The following CADPS variants were observed in gnomAD, a reference collection of about 807,000 sequenced individuals.
The protein encoded by CADPS is calcium dependent secretion activator, also known as calcium-dependent secretion activator 1.
CADPS carries 57 observed loss-of-function variants against 167.3 expected under a neutral mutation model. That is an observed-to-expected ratio of 0.34 (90% CI 0.28 to 0.42). The LOEUF (loss-of-function observed/expected upper bound fraction) is 0.42. CADPS is among the 20% of genes least tolerant of loss of function. The pLI is 1.00. For missense variants in CADPS, 1,414 were observed against 1,738.1 expected, an observed-to-expected ratio of 0.81 and a Z score of 3.32; for synonymous variants, 676 against 635.3, an observed-to-expected ratio of 1.06 and a Z score of -0.96.
chr3:62,563,561 G>C (rs2079552759), intron 9 of CADPS, among the ~76,000 whole-genome samples: 1 of 152,132 alleles, frequency 6.6e-6, no homozygotes, highest in Non-Finnish European at 1.5e-5. Flanking sequence ...ATTTCCATAA[G>C]TTTTTGGGGA....
intron 3 of CADPS, among the ~76,000 whole-genome samples, chr3:62,706,126 G>T (rs1489183050): frequency 6.6e-6 from 1 of 151,854 alleles, no homozygotes. Context: ...TCCACTTTAG[G>T]GACTTTGGTA....
At chr3:62,501,119 G>A (rs1278943829) in intron 17 of CADPS, among the ~76,000 whole-genome samples, 2 of 152,200 alleles carry the variant, frequency 1.3e-5, no homozygotes, top group African/African-American at 4.8e-5. Flanking sequence ...GCCTGAAGGT[G>A]GGGCTGTGGG....
intron 6 of CADPS, among the ~76,000 whole-genome samples, chr3:62,594,059 G>C (rs576625849): frequency 6.6e-6 from 1 of 152,172 alleles, no homozygotes; most frequent in Non-Finnish European, 1.5e-5. Flanking sequence ...ATTTCATTTA[G>C]AGAACTTTTT....
At chr3:62,703,624 G>A (rs886944547) in intron 3 of CADPS, among the ~76,000 whole-genome samples, 1 of 152,070 alleles carries the variant, frequency 6.6e-6, no homozygotes, top group African/African-American at 2.4e-5. Context: ...CCCTGAGGAG[G>A]GAGTTAGAAT....
chr3:62,604,000 T>A (rs557516916), intron 6 of CADPS, among the ~76,000 whole-genome samples: 189 of 151,860 alleles, frequency 1.2e-3, no homozygotes, highest in African/African-American at 4.0e-3. Flanking sequence ...CTAATTTTTT[T>A]TTTTTATTTT....
chr3:62,473,256 G>A (rs2060845301), intron 24 of CADPS, among the ~76,000 whole-genome samples: 1 of 152,070 alleles, frequency 6.6e-6, no homozygotes, highest in Non-Finnish European at 1.5e-5. Flanking sequence ...AAGCTGACTT[G>A]TAGGGGAAAC....
At chr3:62,617,890 T>C (rs1476647989) in intron 6 of CADPS, among the ~76,000 whole-genome samples, 2 of 152,172 alleles carry the variant, frequency 1.3e-5, no homozygotes, top group African/African-American at 4.8e-5. Context: ...TGTTTTTGCC[T>C]GCTCAACGTC....
rs552370598 is a variant in CADPS, at chr3:62,872,046, TCAG to T, written c.441+2540_441+2542del. On this transcript the variant is annotated intron_variant, in intron 1 of 29. Transcript: ENST00000383710. ...TACAATATGGTCTTTTCTCCACAAT[TCAG>T]CAATTCCTTTTCATAGATCTCGTTC... Among the ~76,000 whole-genome samples, 529 of 152,324 alleles carry T rather than the reference TCAG, an allele frequency of 3.5e-3. 2 individuals carry two copies. Among genetic ancestry groups the T allele is most frequent in the Non-Finnish European group, 6.1e-3 (413 of 68,016 alleles).
chr3:62,753,840 C>A lies in CADPS; in HGVS notation c.556-67G>T, dbSNP rs763575514. 1.5e-5 allele frequency: 22 copies of A among 1,450,824 alleles called. No individual in the cohort carries two copies. Among genetic ancestry groups the A allele is most frequent in the Non-Finnish European group, 2.1e-5 (22 of 1,069,756 alleles). The allele number at this position is 1,450,824 out of a possible 1,614,324, so 89.9% of individuals were successfully genotyped here. On this transcript the variant is annotated intron_variant, in intron 2 of 29. Transcript: ENST00000383710. This position sits in a 1 kb window ranked among gnomAD's most constrained non-coding sequence, Gnocchi z 4.6. ...CCACAGAGGTACCAGTTCCCTGGGG[C>A]TGGACACTGGGCCAGTCCACCTCAC...
At chr3:62,866,822 A>G (rs1225310361) in intron 1 of CADPS, among the ~76,000 whole-genome samples, 1 of 152,032 alleles carries the variant, frequency 6.6e-6, no homozygotes, top group Non-Finnish European at 1.5e-5. Context: ...TTTCTCTTAC[A>G]ATGCTTAATA....
At chr3:62,575,566 CTAT>C (rs1446859858) in intron 8 of CADPS, among the ~76,000 whole-genome samples, 5 of 152,122 alleles carry the variant, frequency 3.3e-5, no homozygotes, top group Non-Finnish European at 7.3e-5. Context: ...TCATTATATA[CTAT>C]TATTCCTATT....
chr3:62,431,074 A>G (rs1346733704), intron 28 of CADPS, among the ~76,000 whole-genome samples: 1 of 152,138 alleles, frequency 6.6e-6, no homozygotes, highest in Non-Finnish European at 1.5e-5. Flanking sequence ...GTCACAGTTC[A>G]ATTAAAATTT....
At chr3:62,769,402 T>C (rs950606474) in intron 1 of CADPS, among the ~76,000 whole-genome samples, 1 of 151,960 alleles carries the variant, frequency 6.6e-6, no homozygotes, top group Non-Finnish European at 1.5e-5. Context: ...TGGCTAATTT[T>C]TGTATTTTTA....
chr3:62,532,827 C>T (rs758486966), intron 13 of CADPS, 44 bp downstream of exon 13: 29 of 1,577,690 alleles, frequency 1.8e-5, no homozygotes, highest in Non-Finnish European at 1.7e-5. Context: ...ATTGCCAGTG[C>T]CATTTCTTAA....
Position 62,874,205 on chromosome 3 carries a change from G to A in CADPS, c.441+384C>T, listed in dbSNP as rs987161406. Among the ~76,000 whole-genome samples the A allele has an allele frequency of 6.6e-6, 1 of 152,052 alleles. No homozygotes were observed. The highest frequency in any genetic ancestry group is 1.5e-5 in the Non-Finnish European group (1 of 67,986). On this transcript the variant is annotated intron_variant, in intron 1 of 29. Coordinates refer to ENST00000383710, the MANE Select transcript of CADPS (RefSeq NM_003716.4). This position sits in a 1 kb window ranked among gnomAD's most constrained non-coding sequence, Gnocchi z 7.1. ...CCGGAGTTGAGCGCAGCCGCCCGCC[G>A]CTGGAGAGCGCTGGGAGCCCTGCAA...
chr3:62,729,343 G>A (rs1467520075), intron 3 of CADPS, among the ~76,000 whole-genome samples: 9 of 151,848 alleles, frequency 5.9e-5, no homozygotes, highest in Non-Finnish European at 1.2e-4. Context: ...GTCAGGGAGT[G>A]GAAGGATAGA....
intron 3 of CADPS, among the ~76,000 whole-genome samples, chr3:62,673,596 G>C (rs1184973794): frequency 6.6e-6 from 1 of 152,130 alleles, no homozygotes; most frequent in Non-Finnish European, 1.5e-5. Context: ...TACATAACTT[G>C]ATAACTTTCA....
intron 1 of CADPS, among the ~76,000 whole-genome samples, chr3:62,815,536 T>C (rs2094573881): frequency 6.6e-6 from 1 of 152,054 alleles, no homozygotes; most frequent in African/African-American, 2.4e-5. Flanking sequence ...ATGTAGGATT[T>C]ATAGAATTCT....
intron 9 of CADPS, among the ~76,000 whole-genome samples, chr3:62,566,515 T>G (rs1230945217): frequency 6.6e-6 from 1 of 152,202 alleles, no homozygotes; most frequent in African/African-American, 2.4e-5. Context: ...GCATTGGGGT[T>G]GTTTCAAAGG....
Sources: gnomAD v4.1 joint callset for allele counts (sites outside exome capture counted in the v4.1 genomes callset) on GRCh38, gnomAD v4.1.1 for gene constraint, Gnocchi (gnomAD v3.1) non-coding constraint, MANE v1.5 for transcripts, NCBI Gene and HGNC (gene_info 2026-07-23, HGNC 2026-07-21) for gene names.